Variants in L3MBTL4 observed in about 807,000 individuals in gnomAD.
The protein encoded by L3MBTL4 is L3MBTL histone methyl-lysine binding protein 4.
L3MBTL4 carries 70 observed loss-of-function variants against 84.5 expected under a neutral mutation model. That is an observed-to-expected ratio of 0.83 (90% CI 0.68 to 1.01). L3MBTL4 has a LOEUF of 1.01. L3MBTL4 is among the 50% of genes least tolerant of loss of function. The pLI, the probability that L3MBTL4 is intolerant of heterozygous loss-of-function variation, is 0.00. For synonymous variants in L3MBTL4, 274 were observed against 259.8 expected, an observed-to-expected ratio of 1.05 and a Z score of -0.52; for missense variants, 715 against 754.8, an observed-to-expected ratio of 0.95 and a Z score of 0.62.
intron 1 of L3MBTL4, among the ~76,000 whole-genome samples, chr18:6,377,170 G>A (rs2054402399): frequency 6.6e-6 from 1 of 152,040 alleles, no homozygotes; most frequent in African/African-American, 2.4e-5. Flanking sequence ...TATTTGCTTG[G>A]TTACAAATTC....
chr18:6,357,092 T>C (rs2143911933), intron 1 of L3MBTL4, among the ~76,000 whole-genome samples: 1 of 152,312 alleles, frequency 6.6e-6, no homozygotes, highest in Middle Eastern at 3.4e-3. Context: ...CACGTGACTT[T>C]ATCTGACTTT....
At chr18:6,286,289 C>A (rs1164330970) in intron 4 of L3MBTL4, among the ~76,000 whole-genome samples, 1 of 151,648 alleles carries the variant, frequency 6.6e-6, no homozygotes, top group Non-Finnish European at 1.5e-5. Flanking sequence ...TATGGTGAAA[C>A]CCCATCTCTA....
At chr18:6,301,853 T>G in intron 4 of L3MBTL4, 50 bp downstream of exon 4, 1 of 1,356,496 alleles carries the variant, frequency 7.4e-7, no homozygotes, top group Non-Finnish European at 1.1e-6. Context: ...AAAAATTCAC[T>G]TAAAATTTGT....
intron 13 of L3MBTL4, among the ~76,000 whole-genome samples, chr18:6,140,916 C>A (rs1568188588): frequency 6.6e-6 from 1 of 151,806 alleles, no homozygotes; most frequent in Non-Finnish European, 1.5e-5. Flanking sequence ...GTTTTAATAT[C>A]ACCACACACT....
chr18:6,319,001 G>A (rs2051266375), intron 1 of L3MBTL4, among the ~76,000 whole-genome samples: 1 of 151,974 alleles, frequency 6.6e-6, no homozygotes, highest in South Asian at 2.1e-4. Flanking sequence ...ATAAATACAT[G>A]GAAAGTAAAC....
intron 4 of L3MBTL4, among the ~76,000 whole-genome samples, chr18:6,290,335 A>G (rs148707787): frequency 3.8e-4 from 58 of 151,928 alleles, no homozygotes; most frequent in African/African-American, 1.4e-3. Flanking sequence ...TAGTTTATCA[A>G]TATAATTTCC....
At chr18:6,202,795 G>A (rs1318907102) in intron 12 of L3MBTL4, among the ~76,000 whole-genome samples, 1 of 152,152 alleles carries the variant, frequency 6.6e-6, no homozygotes, top group Non-Finnish European at 1.5e-5. Flanking sequence ...GTGTATTGAG[G>A]AGTTCAGTCC....
At chr18:6,372,531 A>G (rs2062557573) in intron 1 of L3MBTL4, among the ~76,000 whole-genome samples, 2 of 152,148 alleles carry the variant, frequency 1.3e-5, no homozygotes, top group South Asian at 2.1e-4. Context: ...GCAACTCTTT[A>G]TTTCATTTTC....
chr18:6,166,861 C>T (rs973195640), intron 13 of L3MBTL4, among the ~76,000 whole-genome samples: 2 of 152,084 alleles, frequency 1.3e-5, no homozygotes, highest in African/African-American at 4.8e-5. Context: ...ACATAAAAAA[C>T]CCTTCAAAAA....
At chr18:6,244,332 T>G (rs1397847375) in intron 6 of L3MBTL4, 152 bp downstream of exon 6, 1 of 486,924 alleles carries the variant, frequency 2.1e-6, no homozygotes, top group East Asian at 3.4e-5. Flanking sequence ...AAAAATTCAC[T>G]AAGAAACATA....
intron 18 of L3MBTL4, among the ~76,000 whole-genome samples, chr18:5,956,920 T>A (rs201241462): frequency 7.1e-6 from 1 of 140,964 alleles, no homozygotes; most frequent in African/African-American, 2.6e-5. Flanking sequence ...ATTTTTTTTT[T>A]ATAGATCAGT....
intron 16 of L3MBTL4, chr18:6,031,927 T>A: frequency 2.7e-6 from 2 of 749,852 alleles, no homozygotes; most frequent in Non-Finnish European, 3.3e-6. Context: ...CTGCATTGTG[T>A]GGTTTGTACC....
chr18:6,025,403 C>A (rs956490422), intron 16 of L3MBTL4, among the ~76,000 whole-genome samples: 10 of 152,222 alleles, frequency 6.6e-5, no homozygotes, highest in African/African-American at 1.9e-4. Context: ...TTCATCTCAT[C>A]TTTTCAAAAC....
intron 10 of L3MBTL4, among the ~76,000 whole-genome samples, chr18:6,233,407 A>G (rs2047080311): frequency 6.7e-6 from 1 of 149,864 alleles, no homozygotes; most frequent in African/African-American, 2.6e-5. Flanking sequence ...ACGTGATTGT[A>G]TATTTAGAAA....
intron 16 of L3MBTL4, among the ~76,000 whole-genome samples, chr18:6,041,462 CTTTTT>C (rs34117389): frequency 8.1e-6 from 1 of 124,134 alleles, no homozygotes; most frequent in Admixed American, 8.2e-5. Context: ...CTGAAATTGA[CTTTTT>C]TTTTTTTTTT....
intron 5 of L3MBTL4, among the ~76,000 whole-genome samples, chr18:6,247,452 T>A: frequency 6.8e-6 from 1 of 147,058 alleles, no homozygotes; most frequent in East Asian, 2.0e-4. Context: ...GAATGCAGAC[T>A]TCCCCCTCCT....
chr18:6,059,264 G>A (rs1235022625), intron 16 of L3MBTL4, among the ~76,000 whole-genome samples: 1 of 152,244 alleles, frequency 6.6e-6, no homozygotes, highest in African/African-American at 2.4e-5. Context: ...ACATGCACCA[G>A]ACTTGTTGCT....
At chr18:6,414,992 C>G (rs915076837), upstream of L3MBTL4, 14 of 151,790 alleles carry the variant, frequency 9.2e-5, no homozygotes, top group African/African-American at 3.1e-4. The surrounding 1 kb of genome is among the most constrained non-coding windows in gnomAD (Gnocchi z 5.4). Flanking sequence ...ATGCTCCCGC[C>G]GCACCTGCCT....
intron 18 of L3MBTL4, among the ~76,000 whole-genome samples, chr18:5,958,077 AAG>A (rs2095239707): frequency 6.3e-5 from 3 of 47,266 alleles, no homozygotes; most frequent in South Asian, 2.4e-3. Context: ...GAAGAAGAAG[AAG>A]AAGAAGAAGA....
Sources: allele counts gnomAD v4.1 joint callset (sites outside exome capture counted in the v4.1 genomes callset), GRCh38; gene constraint gnomAD v4.1.1; non-coding constraint Gnocchi (gnomAD v3.1); transcripts MANE v1.5; gene names NCBI Gene and HGNC (gene_info 2026-07-23, HGNC 2026-07-21).